IMMT: variants seen among roughly 807,000 people sequenced by gnomAD.
IMMT encodes the protein MICOS complex subunit MIC60.
Under a neutral mutation model 92.7 loss-of-function variants are expected in IMMT, and 40 were observed. The ratio of observed to expected loss-of-function variants is 0.43; its 90% CI spans 0.34 to 0.56. The LOEUF (loss-of-function observed/expected upper bound fraction) is 0.56, where lower values mean the gene tolerates loss of function less well. IMMT is among the 20% of genes least tolerant of loss of function. The pLI, the probability that IMMT is intolerant of heterozygous loss-of-function variation, is 0.03. For synonymous variants in IMMT, 322 were observed against 336.1 expected (o/e 0.96, Z 0.46); for missense variants, 831 against 912.1 (o/e 0.91, Z 1.14).
At chr2:86,193,327 C>T (rs1351882972) in intron 1 of IMMT, among the ~76,000 whole-genome samples, 3 of 151,066 alleles carry the variant, frequency 2.0e-5, no homozygotes, top group Non-Finnish European at 2.9e-5. Context: ...GGATTGCTTG[C>T]GCTCAGGAGG....
chr2:86,181,275 G>C (rs933160261), intron 2 of IMMT, 24 bp downstream of exon 2: 1 of 1,574,482 alleles, frequency 6.4e-7, no homozygotes, highest in East Asian at 2.2e-5. Context: ...GAAAAGCCTG[G>C]TTATAGGGAG....
chr2:86,154,908 G>A (rs1675741179), intron 10 of IMMT, among the ~76,000 whole-genome samples: 2 of 152,066 alleles, frequency 1.3e-5, no homozygotes, highest in African/African-American at 4.8e-5. Flanking sequence ...CGTTGCCCAG[G>A]CTGGAGTGTA....
chr2:86,189,493 C>T (rs1232105958), intron 1 of IMMT, among the ~76,000 whole-genome samples: 1 of 152,210 alleles, frequency 6.6e-6, no homozygotes. Context: ...ATGATTAATG[C>T]TGTTACACAG....
Position 86,173,526 on chromosome 2 carries a change from G to C in IMMT, c.421+124C>G. The C allele has an allele frequency of 7.9e-6, 5 of 634,254 alleles. No homozygotes were observed. In the Middle Eastern group the frequency reaches 1.7e-3, roughly 217 times the overall value. The allele number at this position is 634,254 out of a possible 1,614,324, so 39.3% of individuals were successfully genotyped here. On this transcript the variant is annotated intron_variant, in intron 4 of 14. Transcript: ENST00000410111. Reference sequence around the variant, plus strand: ...ACCTGGGAGGTGGAGGCTGCGGTGAGCCGAGATTGTGCCACTGCACTCCAG... The same window carrying C: ...ACCTGGGAGGTGGAGGCTGCGGTGACCCGAGATTGTGCCACTGCACTCCAG...
At chr2:86,156,904 A>G (rs931872282) in intron 10 of IMMT, among the ~76,000 whole-genome samples, 1 of 152,194 alleles carries the variant, frequency 6.6e-6, no homozygotes, top group East Asian at 1.9e-4. Context: ...AAGCCAATGA[A>G]TAAGAATTTC....
At chr2:86,172,138 T>A (rs1306197431) in intron 4 of IMMT, among the ~76,000 whole-genome samples, 1 of 151,842 alleles carries the variant, frequency 6.6e-6, no homozygotes, top group Non-Finnish European at 1.5e-5. Context: ...TGGCTGATTT[T>A]TACATTTTTT....
intron 14 of IMMT, 35 bp from the exon 15 acceptor site, chr2:86,144,916 C>G (rs766335831): frequency 9.7e-6 from 15 of 1,551,268 alleles, no homozygotes; most frequent in South Asian, 2.5e-5. Flanking sequence ...AAACATTTTT[C>G]TCTCCATCTG....
At chr2:86,160,489 C>T (rs1484364195) in intron 8 of IMMT, among the ~76,000 whole-genome samples, 1 of 152,102 alleles carries the variant, frequency 6.6e-6, no homozygotes, top group Non-Finnish European at 1.5e-5. Flanking sequence ...TGTGGTCTAC[C>T]CACCATAAAA....
chr2:86,179,598 T>A lies in IMMT; in HGVS notation c.144A>T (p.Gly48=). ...SSGLTTGKIA[G]AGLLFVGGGI... is the part of the protein sequence containing the mutation. The stretch of plus-strand genomic sequence containing the variant: ...CTCCACCAACAAACAAAAGGCCAGC[T>A]CCAGCAATTTTGCCAGTAGTCAACC... The change falls in exon 3 of 15, where the codon GGA becomes GGT. Residue 48 remains glycine (G), a synonymous_variant. Coordinates refer to ENST00000410111, the MANE Select transcript of IMMT (RefSeq NM_006839.3). The A allele has an allele frequency of 6.3e-7, 1 of 1,595,322 alleles. No homozygotes were observed. The highest frequency in any genetic ancestry group is 8.5e-7 in the Non-Finnish European group (1 of 1,174,920).
chr2:86,165,024 G>C (rs751114268), intron 7 of IMMT, among the ~76,000 whole-genome samples: 6 of 152,162 alleles, frequency 3.9e-5, no homozygotes, highest in Non-Finnish European at 8.8e-5. Flanking sequence ...ATTCCAAAAT[G>C]TGTTCATACA....
At chr2:86,188,616 G>C (rs935572626) in intron 1 of IMMT, among the ~76,000 whole-genome samples, 42 of 152,286 alleles carry the variant, frequency 2.8e-4, no homozygotes, top group African/African-American at 9.6e-4. Context: ...TGTAGAGACA[G>C]AGTTTCACCA....
At chr2:86,182,770 G>A (rs538113501) in intron 1 of IMMT, among the ~76,000 whole-genome samples, 1 of 138,274 alleles carries the variant, frequency 7.2e-6, no homozygotes, top group Admixed American at 7.2e-5. Context: ...ACTTGAGCTT[G>A]AGCCCCGGAG....
intron 14 of IMMT, among the ~76,000 whole-genome samples, chr2:86,145,511 A>G (rs1423657255): frequency 6.6e-6 from 1 of 151,390 alleles, no homozygotes; most frequent in African/African-American, 2.4e-5. Flanking sequence ...AAAAAAAAAA[A>G]AAAAAAAGAA....
chr2:86,167,394 C>T (rs1434291547), intron 6 of IMMT, among the ~76,000 whole-genome samples: 1 of 151,326 alleles, frequency 6.6e-6, no homozygotes, highest in Admixed American at 6.6e-5. Context: ...AGGATAGTCT[C>T]CATCTACTGA....
chr2:86,158,823 A>G, intron 9 of IMMT, 102 bp from the exon 10 acceptor site: 2 of 1,001,316 alleles, frequency 2.0e-6, no homozygotes, highest in Non-Finnish European at 2.9e-6. Context: ...ATTTTGTTGG[A>G]AATGTGTAAG....
chr2:86,186,670 A>G (rs751520852), intron 1 of IMMT, among the ~76,000 whole-genome samples: 21 of 152,206 alleles, frequency 1.4e-4, no homozygotes, highest in Non-Finnish European at 2.6e-4. Flanking sequence ...ACTGCCACAC[A>G]TGAGAGTAAA....
intron 2 of IMMT, among the ~76,000 whole-genome samples, chr2:86,180,121 AT>A (rs1365719333): frequency 6.6e-6 from 1 of 152,224 alleles, no homozygotes; most frequent in East Asian, 1.9e-4. Context: ...ATAACTAAAA[AT>A]TTTTTTTAAA....
chr2:86,154,582 G>A (rs1056006059), intron 10 of IMMT, among the ~76,000 whole-genome samples: 1 of 152,128 alleles, frequency 6.6e-6, no homozygotes, highest in South Asian at 2.1e-4. Context: ...ACAGTACCAG[G>A]CCTCTCTTAA....
intron 7 of IMMT, among the ~76,000 whole-genome samples, chr2:86,163,788 T>C (rs911614680): frequency 2.6e-5 from 4 of 151,408 alleles, no homozygotes; most frequent in Admixed American, 1.3e-4. Context: ...GCATGGCCAA[T>C]ATGGTGAAAC....
Sources: gnomAD v4.1 joint callset for allele counts (sites outside exome capture counted in the v4.1 genomes callset) on GRCh38, gnomAD v4.1.1 for gene constraint, MANE v1.5 for transcripts, NCBI Gene and HGNC (gene_info 2026-07-23, HGNC 2026-07-21) for gene names.